The following GSE1 variants were observed in gnomAD, a reference collection of about 807,000 sequenced individuals.
GSE1 encodes genetic suppressor element 1.
Under a neutral mutation model 112.6 loss-of-function variants are expected in GSE1, and 32 were observed. That is an observed-to-expected ratio of 0.28 (90% CI 0.21 to 0.38). The LOEUF is 0.38. Ranked by LOEUF, GSE1 falls within the 10% of genes least tolerant of loss-of-function variation. The pLI is 1.00. For missense variants in GSE1, 2,348 were observed against 1,699.2 expected, an observed-to-expected ratio of 1.38 and a Z score of -6.71; for synonymous variants, 1,115 against 735.6, an observed-to-expected ratio of 1.52 and a Z score of -8.35.
intron 2 of GSE1, among the ~76,000 whole-genome samples, chr16:85,641,406 G>A (rs1339392991): frequency 6.6e-6 from 1 of 151,834 alleles, no homozygotes; most frequent in African/African-American, 2.4e-5. Flanking sequence ...GGGCATGGGA[G>A]CCCGCCACTG....
intron 1 of GSE1, among the ~76,000 whole-genome samples, chr16:85,267,498 C>T (rs556523441): frequency 2.6e-4 from 40 of 152,176 alleles, no homozygotes; most frequent in South Asian, 6.2e-4. Flanking sequence ...TATGTGCGCA[C>T]GCATGTACAG....
At chr16:85,474,721 A>G (rs1043424047) in intron 2 of GSE1, among the ~76,000 whole-genome samples, 1 of 68,604 alleles carries the variant, frequency 1.5e-5, no homozygotes, top group African/African-American at 6.0e-5. Context: ...CCCTCTCCCC[A>G]CTCCCACCTT....
chr16:85,183,951 A>G (rs1178913656), intron 1 of GSE1, among the ~76,000 whole-genome samples: 1 of 152,152 alleles, frequency 6.6e-6, no homozygotes, highest in East Asian at 1.9e-4. Flanking sequence ...TTCTGCACAG[A>G]CCAAGCTCCC....
rs55755242 is a variant in GSE1, at chr16:85,224,301, C to CAA, written c.2283+52523_2283+52524dup. ...TGAAACCCTATCTCTACTAAAAATA[C>CAA]AAAAAAAAAAAAAAAAAAAAAAAAA... On this transcript the variant is annotated intron_variant, in intron 1 of 2. Coordinates refer to the GSE1 transcript ENST00000637419. Among the ~76,000 whole-genome samples, 330 of 38,796 alleles carry CAA rather than the reference C, an allele frequency of 8.5e-3. 17 individuals are homozygous for CAA. Among genetic ancestry groups the CAA allele is most frequent in the African/African-American group, 0.019 (171 of 9,208 alleles). The allele number at this position is 38,796 out of a possible 152,430, so 25.5% of individuals were successfully genotyped here. A position where few individuals can be genotyped will look rare whatever the true frequency, so the allele number is the denominator to read the frequency against.
Position 85,359,156 on chromosome 16 carries a change from A to G in GSE1, c.2464+1513A>G, listed in dbSNP as rs569628382. Among the ~76,000 whole-genome samples the G allele has an allele frequency of 2.0e-5, 3 of 152,296 alleles. No individual in the cohort carries two copies. The South Asian group carries it at 6.2e-4, about 32-fold the overall frequency. ...GGCAGCTCAGGCTGGGTCCACACCC[A>G]CCTGTCACTCAGGACATCCCCAGGG... On this transcript the variant is annotated intron_variant, in intron 2 of 2. Transcript: ENST00000637419.
At chr16:85,348,898 A>C (rs777704428) in intron 1 of GSE1, among the ~76,000 whole-genome samples, 1 of 149,866 alleles carries the variant, frequency 6.7e-6, no homozygotes. Context: ...GAGATGGGGG[A>C]GAGTCTGATC....
intron 1 of GSE1, among the ~76,000 whole-genome samples, chr16:85,254,258 C>T (rs1053297645): frequency 1.3e-5 from 2 of 152,180 alleles, no homozygotes; most frequent in African/African-American, 4.8e-5. Context: ...GAGCCCACTC[C>T]TGGGAAGCAG....
At chr16:85,232,108 G>A (rs1374127508) in intron 1 of GSE1, among the ~76,000 whole-genome samples, 1 of 152,244 alleles carries the variant, frequency 6.6e-6, no homozygotes, top group East Asian at 1.9e-4. Context: ...CTGGCAGGCA[G>A]ACCAGAAGCA....
intron 1 of GSE1, among the ~76,000 whole-genome samples, chr16:85,240,492 A>T (rs1905084876): frequency 6.6e-6 from 1 of 152,154 alleles, no homozygotes; most frequent in Admixed American, 6.5e-5. Flanking sequence ...CTTTCCTGCC[A>T]GCTTCCCTGT....
chr16:85,537,401 A>C (rs1567569712), intron 2 of GSE1, among the ~76,000 whole-genome samples: 1 of 152,210 alleles, frequency 6.6e-6, no homozygotes, highest in Non-Finnish European at 1.5e-5. Context: ...CCTGGACCTG[A>C]GACGAGCTTT....
At chr16:85,441,690 G>T (rs1011738664) in intron 2 of GSE1, among the ~76,000 whole-genome samples, 1 of 152,126 alleles carries the variant, frequency 6.6e-6, no homozygotes, top group African/African-American at 2.4e-5. Flanking sequence ...GGACATTTGA[G>T]CTGGGTCTTG....
chr16:85,400,113 G>A (rs928308345), intron 2 of GSE1, among the ~76,000 whole-genome samples: 1 of 152,186 alleles, frequency 6.6e-6, no homozygotes, highest in Non-Finnish European at 1.5e-5. Context: ...CCGCCACACC[G>A]GCCCTGCAAA....
intron 2 of GSE1, among the ~76,000 whole-genome samples, chr16:85,440,942 G>A (rs2049361342): frequency 6.6e-6 from 1 of 152,234 alleles, no homozygotes; most frequent in African/African-American, 2.4e-5. Context: ...TTCGAGCCCT[G>A]GGCCACTTGC....
chr16:85,651,202 C>T (rs960641132), intron 3 of GSE1, among the ~76,000 whole-genome samples: 6 of 151,962 alleles, frequency 3.9e-5, no homozygotes, highest in Non-Finnish European at 7.4e-5. Context: ...AGTGAGACCC[C>T]GGCTGCCGCT....
At chr16:85,546,828 C>T (rs2044718588) in intron 2 of GSE1, among the ~76,000 whole-genome samples, 1 of 152,252 alleles carries the variant, frequency 6.6e-6, no homozygotes, top group South Asian at 2.1e-4. Context: ...ACTGTCACCC[C>T]TGGCCCTGTG....
rs537883614 is a variant in GSE1 at position 85,475,484 on chromosome 16, G to C, written c.2464+117841G>C. ...GTCCCTCCAGCCTGGCCATGCCGAG[G>C]TGGAGATGGTCTGCTGCCTGGATCC... On this transcript the variant is annotated intron_variant, in intron 2 of 2. Coordinates refer to the GSE1 transcript ENST00000637419. 7.9e-5 allele frequency among the ~76,000 whole-genome samples: 12 copies of C among 152,386 alleles called. No homozygotes were observed. In the South Asian group the frequency reaches 2.3e-3, roughly 29 times the overall value.
At position 85,361,451 on chromosome 16, in the gene GSE1, C is replaced by T. The variant is rs374838942; in HGVS notation, c.2464+3808C>T. Among the ~76,000 whole-genome samples the T allele has an allele frequency of 3.3e-5, 5 of 152,204 alleles. No homozygotes were observed. In the East Asian group the frequency reaches 5.8e-4, roughly 18 times the overall value. ...CAAATGCCCATCCCCACCACAGCCCCGTCTCCCTCTTTCCAGGCCACGGCC... is the reference window on the plus strand; with the variant it reads ...CAAATGCCCATCCCCACCACAGCCCTGTCTCCCTCTTTCCAGGCCACGGCC... On this transcript the variant is annotated intron_variant, in intron 2 of 2. Transcript: ENST00000637419.
At chr16:85,245,067 T>C (rs1194828330) in intron 1 of GSE1, among the ~76,000 whole-genome samples, 8 of 149,582 alleles carry the variant, frequency 5.3e-5, no homozygotes, top group Admixed American at 5.3e-4. Context: ...GAGGCTGAGG[T>C]GGGAGGACGG....
intron 2 of GSE1, among the ~76,000 whole-genome samples, chr16:85,507,582 G>A (rs2051581248): frequency 6.6e-6 from 1 of 152,230 alleles, no homozygotes; most frequent in Non-Finnish European, 1.5e-5. Context: ...CAAGGTGTGA[G>A]CAGGGTTGCT....
Sources: gnomAD v4.1 joint callset for allele counts (sites outside exome capture counted in the v4.1 genomes callset) on GRCh38, gnomAD v4.1.1 for gene constraint, MANE v1.5 for transcripts, NCBI Gene and HGNC (gene_info 2026-07-23, HGNC 2026-07-21) for gene names.